Variants in SLC23A2 observed in about 807,000 individuals in gnomAD.
SLC23A2 encodes Na(+)/L-ascorbic acid transporter 2.
A neutral mutation model predicts 73.3 loss-of-function variants in SLC23A2; 36 were observed. The ratio of observed to expected loss-of-function variants is 0.49; its 90% CI spans 0.38 to 0.65. The LOEUF (loss-of-function observed/expected upper bound fraction) is 0.65, where lower values mean the gene tolerates loss of function less well. SLC23A2 is among the 30% of genes least tolerant of loss of function. The probability of loss-of-function intolerance (pLI) is 0.00; values close to 1 mark genes in which losing one functional copy is unlikely to be tolerated. For missense variants in SLC23A2, 507 were observed against 841.6 expected, an observed-to-expected ratio of 0.60 and a Z score of 4.92; for synonymous variants, 343 against 327.3, an observed-to-expected ratio of 1.05 and a Z score of -0.52.
intron 1 of SLC23A2, among the ~76,000 whole-genome samples, chr20:4,976,430 C>A (rs992801221): frequency 1.3e-5 from 2 of 152,068 alleles, no homozygotes; most frequent in African/African-American, 4.8e-5. Context: ...AATCCCAGCA[C>A]TTTGGAAGGC....
chr20:4,889,623 G>A (rs576751851), intron 6 of SLC23A2, among the ~76,000 whole-genome samples: 4 of 151,182 alleles, frequency 2.6e-5, no homozygotes, highest in South Asian at 2.2e-4. Flanking sequence ...TCAGATCTCC[G>A]CCTGTGTCCA....
At chr20:4,885,501 T>C (rs1457355452) in intron 7 of SLC23A2, among the ~76,000 whole-genome samples, 1 of 152,190 alleles carries the variant, frequency 6.6e-6, no homozygotes. Context: ...TGGTGGGTCA[T>C]AAAATCCACT....
chr20:4,918,252 A>G (rs987425220), intron 3 of SLC23A2, among the ~76,000 whole-genome samples: 1 of 152,214 alleles, frequency 6.6e-6, no homozygotes, highest in Non-Finnish European at 1.5e-5. Context: ...TAAAAATATC[A>G]GCAGATTAGT....
intron 1 of SLC23A2, among the ~76,000 whole-genome samples, chr20:4,981,922 C>T (rs1299703123): frequency 1.1e-4 from 16 of 152,062 alleles, no homozygotes; most frequent in Admixed American, 1.0e-3. Context: ...AGGATGGTCT[C>T]GATTTCCTGA....
At chr20:4,936,731 G>A (rs980257079) in intron 2 of SLC23A2, among the ~76,000 whole-genome samples, 5 of 152,174 alleles carry the variant, frequency 3.3e-5, no homozygotes, top group Non-Finnish European at 5.9e-5. Context: ...GTTCCATCCC[G>A]ACAAGAATAC....
intron 1 of SLC23A2, among the ~76,000 whole-genome samples, chr20:4,979,154 G>A (rs191793814): frequency 6.6e-6 from 1 of 151,834 alleles, no homozygotes; most frequent in East Asian, 2.0e-4. Flanking sequence ...TTAGCCAAGC[G>A]TGGTGGCGTG....
intron 3 of SLC23A2, among the ~76,000 whole-genome samples, chr20:4,916,243 C>T (rs1156891646): frequency 2.6e-5 from 4 of 152,170 alleles, no homozygotes; most frequent in African/African-American, 9.7e-5. Context: ...CGCAGCAGTG[C>T]TCAACCCACT....
intron 6 of SLC23A2, among the ~76,000 whole-genome samples, chr20:4,892,135 G>T (rs188238340): frequency 1.5e-3 from 232 of 152,224 alleles, no homozygotes; most frequent in Non-Finnish European, 1.6e-3. Context: ...ACTATTAAAT[G>T]ATGGAAAGGG....
chr20:4,931,404 C>T (rs978924677), intron 3 of SLC23A2, among the ~76,000 whole-genome samples: 33 of 152,104 alleles, frequency 2.2e-4, no homozygotes, highest in African/African-American at 7.5e-4. Flanking sequence ...ACTGTTGAGT[C>T]TCTTTATCAT....
At chr20:4,939,710 A>C (rs1194463322) in intron 2 of SLC23A2, among the ~76,000 whole-genome samples, 1 of 152,240 alleles carries the variant, frequency 6.6e-6, no homozygotes, top group Non-Finnish European at 1.5e-5. Flanking sequence ...AAAGCCAAAG[A>C]CATTTATAGA....
intron 1 of SLC23A2, among the ~76,000 whole-genome samples, chr20:4,986,649 TACACACAC>T (rs55738084): frequency 0.017 from 2,262 of 129,804 alleles, 62 homozygotes; most frequent in African/African-American, 0.058. Flanking sequence ...CATACACACA[TACACACAC>T]ACACACACAC....
intron 2 of SLC23A2, among the ~76,000 whole-genome samples, chr20:4,965,156 C>T (rs2087455729): frequency 6.6e-6 from 1 of 152,162 alleles, no homozygotes; most frequent in African/African-American, 2.4e-5. Flanking sequence ...AGTCAGTGTG[C>T]TCCCGGAGAG....
At chr20:5,002,488 T>A (rs1229573636), upstream of SLC23A2, among the ~76,000 whole-genome samples, 3 of 152,246 alleles carry the variant, frequency 2.0e-5, no homozygotes, top group African/African-American at 7.2e-5. Context: ...ATGTACTAGT[T>A]CCCGGGCAAC....
chr20:4,935,738 G>A (rs2086952995), intron 2 of SLC23A2, among the ~76,000 whole-genome samples: 1 of 152,188 alleles, frequency 6.6e-6, no homozygotes, highest in East Asian at 1.9e-4. Flanking sequence ...GGTGGAGCTT[G>A]CAGTGAGCCG....
intron 2 of SLC23A2, among the ~76,000 whole-genome samples, chr20:4,962,712 T>C (rs1568644772): frequency 6.6e-6 from 1 of 152,118 alleles, no homozygotes; most frequent in Non-Finnish European, 1.5e-5. Flanking sequence ...AAGAAGTTGC[T>C]AGATGGCCTG....
In SLC23A2 at chr20:4,868,072, ATTTTTTTTTTTTTT is replaced by A. The variant is rs574379772; in HGVS notation, c.1251-211_1251-198del. Among the ~76,000 whole-genome samples the A allele has an allele frequency of 1.3e-4, 12 of 94,418 alleles. No individual in the cohort carries two copies. Among genetic ancestry groups the A allele is most frequent in the African/African-American group, 4.4e-4 (9 of 20,562 alleles). The allele number at this position is 94,418 out of a possible 152,430, so 61.9% of individuals were successfully genotyped here. On this transcript the variant is annotated intron_variant, in intron 12 of 16. Transcript: ENST00000338244. This position sits in a 1 kb window ranked among gnomAD's most constrained non-coding sequence, Gnocchi z 4.4. ...CCTGCTGAAGCAGAAAAGAATCTGC[ATTTTTTTTTTTTTT>A]TTTTTTTTTTTTAGAGAGTGTCTCA...
chr20:4,873,833 T>C (rs974819769), intron 11 of SLC23A2, 103 bp downstream of exon 11: 28 of 1,214,198 alleles, frequency 2.3e-5, no homozygotes, highest in Non-Finnish European at 2.9e-5. Context: ...GGCAAGGCCT[T>C]CAGGAGACAG....
At chr20:4,893,770 G>T (rs565808318) in intron 6 of SLC23A2, among the ~76,000 whole-genome samples, 63 of 152,328 alleles carry the variant, frequency 4.1e-4, no homozygotes, top group African/African-American at 1.3e-3. Context: ...CCTGAGAACG[G>T]CCAGGAGGGC....
In SLC23A2 at chr20:4,932,652, T is replaced by G; in HGVS notation, c.-90A>C. The G allele has an allele frequency of 1.3e-6, 1 of 763,050 alleles. No individual in the cohort carries two copies. 47.3% of individuals were successfully genotyped at this position (763,050 alleles called of 1,614,324 possible). A position where few individuals can be genotyped will look rare whatever the true frequency, so the allele number is the denominator to read the frequency against. On this transcript the variant is annotated 5_prime_UTR_variant, in exon 3 of 17. Transcript: ENST00000338244. ...CTAGGAGCCCAGGATCAGCCGGCTC[T>G]TCTAGTGCCTGGAGCCCCCGATTCT... is the stretch of plus-strand genomic sequence containing the variant.
Sources: allele counts gnomAD v4.1 joint callset (sites outside exome capture counted in the v4.1 genomes callset), GRCh38; gene constraint gnomAD v4.1.1; non-coding constraint Gnocchi (gnomAD v3.1); transcripts MANE v1.5; gene names NCBI Gene and HGNC (gene_info 2026-07-23, HGNC 2026-07-21).